Variants in CHD9NB observed in about 807,000 individuals in gnomAD.
The protein encoded by CHD9NB is CHD9 neighbor, also known as CHD9 neighbor protein.
chr16:53,048,571 C>G, the CHD9NB span, among the ~76,000 whole-genome samples: 1 of 152,236 alleles, frequency 6.6e-6, no homozygotes, highest in Non-Finnish European at 1.5e-5. Flanking sequence ...TTCTCACTCA[C>G]TTACTCATTC....
At chr16:53,047,102 C>T in the CHD9NB span, 1 of 152,110 alleles carries the variant, frequency 6.6e-6, no homozygotes, top group Non-Finnish European at 1.5e-5. Context: ...TAAACTGCTT[C>T]CTTAGACATT....
At chr16:53,052,502 T>A in the CHD9NB span, among the ~76,000 whole-genome samples, 1 of 152,208 alleles carries the variant, frequency 6.6e-6, no homozygotes, top group African/African-American at 2.4e-5. Flanking sequence ...TGTTGATAAC[T>A]CTGCAGTTTC....
At chr16:53,045,672 A>T in the CHD9NB span, among the ~76,000 whole-genome samples, 1 of 152,208 alleles carries the variant, frequency 6.6e-6, no homozygotes. Flanking sequence ...ACTCGGATTC[A>T]CTTGTGGAGG....
the CHD9NB span, among the ~76,000 whole-genome samples, chr16:53,037,017 C>T: frequency 1.3e-5 from 2 of 152,034 alleles, no homozygotes; most frequent in Admixed American, 1.3e-4. Flanking sequence ...CTCACTGCAA[C>T]CTCTGCCTCC....
chr16:53,041,580 T>A, the CHD9NB span, among the ~76,000 whole-genome samples: 1 of 152,078 alleles, frequency 6.6e-6, no homozygotes, highest in Non-Finnish European at 1.5e-5. Context: ...TTCCTTTGAT[T>A]TGGTAAAAAG....
chr16:53,040,465 T>C, the CHD9NB span, among the ~76,000 whole-genome samples: 123 of 152,182 alleles, frequency 8.1e-4, no homozygotes, highest in Non-Finnish European at 1.6e-3. Flanking sequence ...TTGTGCCCCA[T>C]GCAGTTCTTG....
the CHD9NB span, among the ~76,000 whole-genome samples, chr16:53,038,354 A>G: frequency 1.3e-5 from 2 of 152,078 alleles, no homozygotes; most frequent in South Asian, 2.1e-4. Flanking sequence ...TTATTTATCT[A>G]TTTATTTTTT....
At chr16:53,038,474 AGTAGTAGC>A in the CHD9NB span, among the ~76,000 whole-genome samples, 21,873 of 75,830 alleles carry the variant, frequency 0.29, 1,735 homozygotes, top group Middle Eastern at 0.39. Flanking sequence ...CAGCCTCCCG[AGTAGTAGC>A]TGGAATTACA....
the CHD9NB span, among the ~76,000 whole-genome samples, chr16:53,045,786 A>C: frequency 6.6e-6 from 1 of 152,146 alleles, no homozygotes; most frequent in Admixed American, 6.5e-5. Context: ...TTTAGAGTTC[A>C]AATCACTGAG....
At chr16:53,040,265 G>A in the CHD9NB span, among the ~76,000 whole-genome samples, 55 of 151,814 alleles carry the variant, frequency 3.6e-4, 1 homozygote, top group South Asian at 8.1e-3. Flanking sequence ...TAGTAGAGAC[G>A]GGGTTTCACC....
chr16:53,040,116 G>A, the CHD9NB span, among the ~76,000 whole-genome samples: 3 of 151,976 alleles, frequency 2.0e-5, no homozygotes, highest in Admixed American at 6.6e-5. Context: ...CCAGGATAGA[G>A]TGCATGGTCA....
chr16:53,038,192 A>C, the CHD9NB span, among the ~76,000 whole-genome samples: 1 of 152,222 alleles, frequency 6.6e-6, no homozygotes, highest in Non-Finnish European at 1.5e-5. Context: ...TCAGACCTTC[A>C]ACAGATTAGA....
the CHD9NB span, among the ~76,000 whole-genome samples, chr16:53,048,299 C>T: frequency 6.6e-6 from 1 of 152,004 alleles, no homozygotes; most frequent in African/African-American, 2.4e-5. Context: ...CCAGCTACTA[C>T]AGTGGCTGCA....
chr16:53,051,327 A>C, the CHD9NB span, among the ~76,000 whole-genome samples: 1 of 152,174 alleles, frequency 6.6e-6, no homozygotes, highest in Non-Finnish European at 1.5e-5. Flanking sequence ...CCTTTGAAGA[A>C]AAGGGTGAAC....
At chr16:53,040,150 A>G in the CHD9NB span, among the ~76,000 whole-genome samples, 467 of 151,790 alleles carry the variant, frequency 3.1e-3, 2 homozygotes, top group African/African-American at 0.011. Flanking sequence ...GCTCACTGCA[A>G]CCTCCGCCTC....
the CHD9NB span, chr16:53,042,643 C>T: frequency 1.3e-5 from 2 of 151,510 alleles, no homozygotes; most frequent in African/African-American, 4.9e-5. Context: ...CATCACCCAA[C>T]CTGCAGTGGG....
At chr16:53,048,903 T>C in the CHD9NB span, among the ~76,000 whole-genome samples, 1 of 152,236 alleles carries the variant, frequency 6.6e-6, no homozygotes, top group Non-Finnish European at 1.5e-5. Flanking sequence ...AGTAGGTATA[T>C]AAGCCTTTGG....
chr16:53,037,802 G>A, the CHD9NB span, among the ~76,000 whole-genome samples: 12 of 152,306 alleles, frequency 7.9e-5, no homozygotes, highest in South Asian at 2.3e-3. Flanking sequence ...GCCTCTAAAG[G>A]CAAACTGCCT....
chr16:53,039,472 G>T, the CHD9NB span, among the ~76,000 whole-genome samples: 2 of 152,128 alleles, frequency 1.3e-5, no homozygotes, highest in South Asian at 2.1e-4. Context: ...AAGGCTGGGC[G>T]CAGTGGCTCA....
Sources: allele counts gnomAD v4.1 joint callset (sites outside exome capture counted in the v4.1 genomes callset), GRCh38; gene constraint gnomAD v4.1.1; transcripts MANE v1.5; gene names NCBI Gene and HGNC (gene_info 2026-07-23, HGNC 2026-07-21).